PPM1B: variants seen among roughly 807,000 people sequenced by gnomAD.
PPM1B encodes the protein protein phosphatase, Mg2+/Mn2+ dependent 1B.
In PPM1B, 22 loss-of-function variants were observed where a neutral mutation model predicts 43.0. The ratio of observed to expected loss-of-function variants is 0.51; its 90% CI spans 0.37 to 0.73. The LOEUF (loss-of-function observed/expected upper bound fraction) is 0.73, where lower values mean the gene tolerates loss of function less well. PPM1B is among the 30% of genes least tolerant of loss of function. PPM1B has a pLI of 0.00. For missense variants in PPM1B, 632 were observed against 584.2 expected (o/e 1.08, Z -0.84); for synonymous variants, 217 against 197.9 (o/e 1.10, Z -0.81).
At chr2:44,188,919 G>T (rs1440327539) in intron 1 of PPM1B, among the ~76,000 whole-genome samples, 3 of 149,828 alleles carry the variant, frequency 2.0e-5, no homozygotes, top group Non-Finnish European at 4.4e-5. Flanking sequence ...TGGGTTTTTT[G>T]TTGTTGTTGT....
At chr2:44,212,892 A>AGAC (rs1669544000) in intron 3 of PPM1B, among the ~76,000 whole-genome samples, 1 of 151,942 alleles carries the variant, frequency 6.6e-6, no homozygotes, top group Admixed American at 6.6e-5. Context: ...GGGCGCCTGT[A>AGAC]GTCCCAGCTA....
In PPM1B at chr2:44,230,784, A is replaced by G. The variant is rs910911245; in HGVS notation, c.*66A>G. On this transcript the variant is annotated 3_prime_UTR_variant, in exon 6 of 6. Coordinates refer to ENST00000282412, the MANE Select transcript of PPM1B (RefSeq NM_002706.6). ...TTAACCTAGGAAGTGTAATGTATGC[A>G]TTTATATAACTGTTTTGTTATTTGA... 7 of 1,534,468 alleles carry G rather than the reference A, an allele frequency of 4.6e-6. No individual in the cohort carries two copies. The highest frequency in any genetic ancestry group is 6.1e-6 in the Non-Finnish European group (7 of 1,142,164).
In PPM1B at chr2:44,201,417, C is replaced by T. The variant is rs202053989; in HGVS notation, c.218C>T (p.Thr73Ile). The change falls in exon 2 of 6, where the codon ACA becomes ATA. Residue 73 changes from threonine (T) to isoleucine (I), a missense_variant. This residue lies in a region of PPM1B where 200 missense variants were observed against 200.7 expected (regional missense o/e 1.00). Coordinates refer to ENST00000282412, the MANE Select transcript of PPM1B (RefSeq NM_002706.6). The surrounding 1 kb of genome is among the most constrained non-coding windows in gnomAD (Gnocchi z 5.4). Reference protein sequence around the residue: ...AGSRVANYCSTHLLEHITTNE... With the variant: ...AGSRVANYCSIHLLEHITTNE... ...TCCCGAGTGGCAAATTACTGCTCAACACATTTATTAGAACACATCACTACT... is the reference window on the plus strand; with the variant it reads ...TCCCGAGTGGCAAATTACTGCTCAATACATTTATTAGAACACATCACTACT... 57 of 1,614,000 alleles carry T rather than the reference C, an allele frequency of 3.5e-5. No individual in the cohort carries two copies. The highest frequency in any genetic ancestry group is 5.5e-5 in the South Asian group (5 of 91,088).
At chr2:44,192,373 G>A (rs954016163) in intron 1 of PPM1B, among the ~76,000 whole-genome samples, 15 of 151,864 alleles carry the variant, frequency 9.9e-5, no homozygotes, top group Admixed American at 9.8e-4. Flanking sequence ...CACAAACCAT[G>A]CCCGGCTAAT....
At chr2:44,231,605 C>T (rs1007014480), downstream of PPM1B, 1 of 317,866 alleles carries the variant, frequency 3.1e-6, no homozygotes, top group African/African-American at 2.3e-5. Flanking sequence ...TTTTCATTAA[C>T]AAAAAGGAAA....
chr2:44,236,246 T>A (rs911069501), downstream of PPM1B, among the ~76,000 whole-genome samples: 2 of 151,094 alleles, frequency 1.3e-5, no homozygotes, highest in South Asian at 4.2e-4. Flanking sequence ...AAAATAAAAA[T>A]AAAAAAATTA....
rs1668947152 is a variant in PPM1B, at chr2:44,201,714, G to GC, written c.516dup (p.Asn173GlnfsTer21). On this transcript the variant is annotated frameshift_variant, in exon 2 of 6. Coordinates refer to ENST00000282412, the MANE Select transcript of PPM1B (RefSeq NM_002706.6). LOFTEE classifies it high-confidence loss of function. This position sits in a 1 kb window ranked among gnomAD's most constrained non-coding sequence, Gnocchi z 5.4. ...TTTTCTACCCAGGATCACAAACCTTGCAATCCAAGGGAAAAGGAGCGAATC... is the reference window on the plus strand; with the variant it reads ...TTTTCTACCCAGGATCACAAACCTTGCCAATCCAAGGGAAAAGGAGCGAATC... 6.2e-7 allele frequency: 1 copy of GC among 1,614,074 alleles called. No homozygotes were observed. Among genetic ancestry groups the GC allele is most frequent in the Non-Finnish European group, 8.5e-7 (1 of 1,180,028 alleles).
At chr2:44,169,739 T>C (rs1667232064) in intron 1 of PPM1B, among the ~76,000 whole-genome samples, 1 of 152,252 alleles carries the variant, frequency 6.6e-6, no homozygotes, top group South Asian at 2.1e-4. Context: ...CCTTGTTAAA[T>C]CGTCTTTCTC....
At chr2:44,192,624 A>G (rs1442409839) in intron 1 of PPM1B, among the ~76,000 whole-genome samples, 1 of 152,208 alleles carries the variant, frequency 6.6e-6, no homozygotes, top group Non-Finnish European at 1.5e-5. Context: ...AAATGATTGA[A>G]TCAAGCTAAT....
intron 5 of PPM1B, among the ~76,000 whole-genome samples, chr2:44,222,693 G>C (rs546186053): frequency 6.6e-6 from 1 of 152,294 alleles, no homozygotes; most frequent in Admixed American, 6.5e-5. Context: ...GAATTAGTCT[G>C]ACTCCTATTC....
intron 1 of PPM1B, among the ~76,000 whole-genome samples, chr2:44,187,988 C>T (rs1201018807): frequency 6.6e-6 from 1 of 152,072 alleles, no homozygotes; most frequent in East Asian, 1.9e-4. Flanking sequence ...CTGACCTCGC[C>T]ATCTGCCCAC....
At chr2:44,246,814 T>C (rs1408581811), downstream of PPM1B, among the ~76,000 whole-genome samples, 1 of 152,262 alleles carries the variant, frequency 6.6e-6, no homozygotes, top group Non-Finnish European at 1.5e-5. Context: ...CAATTCTTCC[T>C]GTGTAACTGC....
downstream of PPM1B, chr2:44,234,607 A>G (rs1670562732): frequency 2.0e-6 from 2 of 984,860 alleles, no homozygotes; most frequent in African/African-American, 1.8e-5. Flanking sequence ...TGTATGAGTT[A>G]GTAAAAGAAA....
downstream of PPM1B, chr2:44,233,555 G>A: frequency 1.0e-6 from 1 of 985,726 alleles, no homozygotes; most frequent in African/African-American, 1.7e-5. Flanking sequence ...TGGTTTACAT[G>A]TTGTGGATGC....
chr2:44,207,957 C>G (rs1006663631), intron 2 of PPM1B, among the ~76,000 whole-genome samples: 1 of 145,672 alleles, frequency 6.9e-6, no homozygotes, highest in African/African-American at 2.6e-5. Flanking sequence ...GGTGCAATCT[C>G]AGCTCACTGC....
intron 1 of PPM1B, among the ~76,000 whole-genome samples, chr2:44,185,403 C>G (rs1429731682): frequency 6.6e-6 from 1 of 152,128 alleles, no homozygotes; most frequent in Admixed American, 6.5e-5. Flanking sequence ...GTTTTTAGAG[C>G]ACACTGTATG....
chr2:44,246,656 C>T (rs1670857679), downstream of PPM1B, among the ~76,000 whole-genome samples: 1 of 152,184 alleles, frequency 6.6e-6, no homozygotes, highest in Admixed American at 6.5e-5. Context: ...ATTTTACATT[C>T]TTTGCAGAAG....
At chr2:44,207,580 C>CTT (rs1002683351) in intron 2 of PPM1B, among the ~76,000 whole-genome samples, 1 of 143,980 alleles carries the variant, frequency 6.9e-6, no homozygotes, top group Non-Finnish European at 1.5e-5. Context: ...ATATGATATG[C>CTT]TTTTTTTTTT....
In PPM1B at chr2:44,230,872, C is replaced by T. The variant is rs1317673592; in HGVS notation, c.*154C>T. 1 of 1,397,698 alleles carries T rather than the reference C, an allele frequency of 7.2e-7. No homozygotes were observed. The highest frequency in any genetic ancestry group is 1.5e-5 in the African/African-American group (1 of 68,670). 86.6% of individuals were successfully genotyped at this position (1,397,698 alleles called of 1,614,324 possible). On this transcript the variant is annotated 3_prime_UTR_variant, in exon 6 of 6. Coordinates refer to ENST00000282412, the MANE Select transcript of PPM1B (RefSeq NM_002706.6). ...TGTTTTTTAAAAAGGCCTTTGCATA[C>T]ACCTTTATGAGATAGTGTAAAATTG...
Sources: allele counts gnomAD v4.1 joint callset (sites outside exome capture counted in the v4.1 genomes callset), GRCh38; gene constraint gnomAD v4.1.1; regional missense constraint gnomAD v4.1.1; non-coding constraint Gnocchi (gnomAD v3.1); transcripts MANE v1.5; gene names NCBI Gene and HGNC (gene_info 2026-07-23, HGNC 2026-07-21).